PROX1: variants seen among roughly 807,000 people sequenced by gnomAD.
PROX1 encodes the protein prospero homeobox 1, also known as prospero homeobox protein 1.
Under a neutral mutation model 58.8 loss-of-function variants are expected in PROX1, and 7 were observed. The ratio of observed to expected loss-of-function variants is 0.12; its 90% confidence interval spans 0.07 to 0.22. The LOEUF is 0.22. PROX1 is among the 10% of genes least tolerant of loss of function. The pLI, the probability that PROX1 is intolerant of heterozygous loss-of-function variation, is 1.00. For missense variants in PROX1, 675 were observed against 927.8 expected (o/e 0.73, Z 3.54); for synonymous variants, 350 against 358.3 (o/e 0.98, Z 0.26).
intron 4 of PROX1, among the ~76,000 whole-genome samples, chr1:214,020,669 G>C (rs1445809647): frequency 2.0e-5 from 3 of 152,174 alleles, no homozygotes; most frequent in Admixed American, 2.0e-4. Flanking sequence ...TGAATTAATT[G>C]ATCTGTGTTA....
chr1:214,012,057 C>CT (rs1663928662), intron 4 of PROX1, among the ~76,000 whole-genome samples: 1 of 152,088 alleles, frequency 6.6e-6, no homozygotes, highest in South Asian at 2.1e-4. Context: ...TCCAATAGAC[C>CT]TTTTTCATAT....
chr1:213,994,040 AG>A (rs1182297474), intron 1 of PROX1, among the ~76,000 whole-genome samples: 1 of 152,170 alleles, frequency 6.6e-6, no homozygotes, highest in Non-Finnish European at 1.5e-5. Context: ...AGCATGGGGC[AG>A]GGATGCAGCT....
Position 213,997,345 on chromosome 1 carries a change from A to C in PROX1, c.810A>C (p.Glu270Asp), listed in dbSNP as rs1437145039. Residue 270 changes from glutamate (E) to aspartate (D), a missense_variant, in exon 2 of 5, where the codon GAA (glutamate) becomes GAC (aspartate). Physicochemically the swap from Glu to Asp is conservative, Grantham distance 45 (BLOSUM62 2). Transcript: ENST00000366958. This position sits in a 1 kb window ranked among gnomAD's most constrained non-coding sequence, Gnocchi z 7.1. ...IYDSTDSEND[E>D]DGNLSEDSMR... ...ACAGCACTGATTCGGAAAATGATGA[A>C]GATGGTAACCTGTCTGAAGACAGCA... 1 of 1,614,000 alleles carries C rather than the reference A, an allele frequency of 6.2e-7. No individual in the cohort carries two copies.
intron 1 of PROX1, among the ~76,000 whole-genome samples, chr1:213,992,825 C>A (rs1257064782): frequency 6.6e-6 from 1 of 152,166 alleles, no homozygotes; most frequent in African/African-American, 2.4e-5. Flanking sequence ...CCCGAAATAA[C>A]TTCTTTATTA....
intron 1 of PROX1, among the ~76,000 whole-genome samples, chr1:213,989,499 G>A (rs559948106): frequency 6.6e-6 from 1 of 152,046 alleles, no homozygotes; most frequent in Non-Finnish European, 1.5e-5. Context: ...GTCTCGTCTG[G>A]GTGGTACCTA....
Position 213,996,444 on chromosome 1 carries a change from T to C in PROX1, c.-67-25T>C. ...GGAGAAATTTAAAGAAAATGATTCA[T>C]CAGTCCTTTTGTTCTGTTGGCCAGG... On this transcript the variant is annotated intron_variant, in intron 1 of 4. Transcript: ENST00000366958. 1.4e-6 allele frequency: 2 copies of C among 1,415,738 alleles called. 1 individual carries two copies. Among genetic ancestry groups the C allele is most frequent in the Non-Finnish European group, 1.9e-6 (2 of 1,048,678 alleles). 87.7% of individuals were successfully genotyped at this position (1,415,738 alleles called of 1,614,324 possible).
chr1:214,012,917 C>T (rs1343228989), intron 4 of PROX1, among the ~76,000 whole-genome samples: 1 of 152,154 alleles, frequency 6.6e-6, no homozygotes, highest in Non-Finnish European at 1.5e-5. Context: ...AGTACTCTTC[C>T]TGCTTGCCCC....
chr1:214,039,699 A>G lies in PROX1; in HGVS notation c.*3865A>G, dbSNP rs1220878816. 6.6e-6 allele frequency: 1 copy of G among 152,186 alleles called. No individual in the cohort carries two copies. Among genetic ancestry groups the G allele is most frequent in the East Asian group, 1.9e-4 (1 of 5,194 alleles). The allele number at this position is 152,186 out of a possible 1,614,324, so 9.4% of individuals were successfully genotyped here. A position where few individuals can be genotyped will look rare whatever the true frequency, so the allele number is the denominator to read the frequency against. Reference sequence around the variant, plus strand: ...ATCTCTTTTATCAGATGTCAAGGGCAAGGGTAATGCAGTTTCTGTAAATTT... The same window carrying G: ...ATCTCTTTTATCAGATGTCAAGGGCGAGGGTAATGCAGTTTCTGTAAATTT... On this transcript the variant is annotated 3_prime_UTR_variant, in exon 5 of 5. Transcript: ENST00000366958.
At chr1:214,024,261 G>A (rs1203648036) in intron 4 of PROX1, among the ~76,000 whole-genome samples, 4 of 152,160 alleles carry the variant, frequency 2.6e-5, no homozygotes, top group Admixed American at 2.6e-4. Context: ...AGTAGCATTT[G>A]AAATACAGCC....
At chr1:213,983,399 TC>T (rs1472445539), upstream of PROX1, 2 of 152,524 alleles carry the variant, frequency 1.3e-5, no homozygotes, top group East Asian at 1.9e-4. Flanking sequence ...CGGCCACACA[TC>T]CGAAAGGGAC....
rs1664908682 is a variant in PROX1, at chr1:214,038,683, T to C, written c.*2849T>C. On this transcript the variant is annotated 3_prime_UTR_variant, in exon 5 of 5. Coordinates refer to ENST00000366958, the MANE Select transcript of PROX1 (RefSeq NM_001270616.2). ...AAAATCCTTCAAAATACCAGTTTTT[T>C]CCCAACAAGTACAATTGTTCTTGTG... The C allele has an allele frequency of 6.6e-6, 1 of 152,208 alleles. No individual in the cohort carries two copies. The highest frequency in any genetic ancestry group is 1.9e-4 in the East Asian group (1 of 5,200). 9.4% of individuals were successfully genotyped at this position (152,208 alleles called of 1,614,324 possible).
chr1:214,019,914 G>A (rs1279438764), intron 4 of PROX1, among the ~76,000 whole-genome samples: 4 of 151,908 alleles, frequency 2.6e-5, no homozygotes, highest in Admixed American at 6.6e-5. Flanking sequence ...CATTTTCCTC[G>A]ACTTCTGAAC....
rs1005876951 is a variant in PROX1 at position 214,041,179 on chromosome 1, C to T, written c.*5345C>T. 1.3e-5 allele frequency: 2 copies of T among 152,072 alleles called. No homozygotes were observed. Among genetic ancestry groups the T allele is most frequent in the Non-Finnish European group, 2.9e-5 (2 of 67,982 alleles). 9.4% of individuals were successfully genotyped at this position (152,072 alleles called of 1,614,324 possible). On this transcript the variant is annotated 3_prime_UTR_variant, in exon 5 of 5. Transcript: ENST00000366958. ...TAGTCCAATTGCCTTGTGTGCCTTC[C>T]ATCTCCTCTTAAACTGAATGTATGT... is the stretch of plus-strand genomic sequence containing the variant.
In PROX1 at chr1:213,997,018, C is replaced by T. The variant is rs368974011; in HGVS notation, c.483C>T (p.His161=). Residue 161 remains histidine (H), a synonymous_variant, in exon 2 of 5, where the codon CAC becomes CAT. Transcript: ENST00000366958. This position sits in a 1 kb window ranked among gnomAD's most constrained non-coding sequence, Gnocchi z 7.1. ...ATATGGATCGCTTATGTGATGAGCA[C>T]CTGAGAGCAAAGCGCGCCCGGGTTG... is the stretch of plus-strand genomic sequence containing the variant. ...QFDMDRLCDE[H]LRAKRARVEN... 1.2e-5 allele frequency: 19 copies of T among 1,613,986 alleles called. No individual in the cohort carries two copies. The Admixed American group carries it at 3.0e-4, about 25-fold the overall frequency.
intron 4 of PROX1, among the ~76,000 whole-genome samples, chr1:214,022,217 G>T (rs978065213): frequency 1.3e-5 from 2 of 152,206 alleles, no homozygotes; most frequent in African/African-American, 4.8e-5. Context: ...ACCCTGGCAA[G>T]TGTCTTACCC....
chr1:213,994,806 G>A (rs1424430602), intron 1 of PROX1, among the ~76,000 whole-genome samples: 1 of 95,832 alleles, frequency 1.0e-5, no homozygotes, highest in African/African-American at 3.8e-5. Context: ...TATATATAAA[G>A]AGGTATCATT....
upstream of PROX1, chr1:213,984,348 C>G (rs953683087): frequency 9.2e-5 from 14 of 152,210 alleles, no homozygotes; most frequent in African/African-American, 3.4e-4. Flanking sequence ...GGTTCTTTAT[C>G]ATTTTAAAAA....
In PROX1 at chr1:213,996,649, A is replaced by T; in HGVS notation, c.114A>T (p.Arg38Ser). The change falls in exon 2 of 5, where the codon AGA becomes AGT. Residue 38 changes from arginine to serine, a missense_variant. Coordinates refer to ENST00000366958, the MANE Select transcript of PROX1 (RefSeq NM_001270616.2). Reference sequence around the variant, plus strand: ...CATCTGCATTTTTTGCTAAGGCAAGAGCAACGTTTTTTAGTGCCATGAATC... The same window carrying T: ...CATCTGCATTTTTTGCTAAGGCAAGTGCAACGTTTTTTAGTGCCATGAATC... ...GTASAFFAKARATFFSAMNPQ... is the reference protein window; with the variant it reads ...GTASAFFAKASATFFSAMNPQ... The T allele has an allele frequency of 6.2e-7, 1 of 1,614,214 alleles. No individual in the cohort carries two copies. Among genetic ancestry groups the T allele is most frequent in the South Asian group, 1.1e-5 (1 of 91,080 alleles).
At chr1:214,024,599 A>C (rs553006377) in intron 4 of PROX1, among the ~76,000 whole-genome samples, 1 of 152,274 alleles carries the variant, frequency 6.6e-6, no homozygotes, top group East Asian at 1.9e-4. Flanking sequence ...CCCACTTCCT[A>C]ACAGCTTCTC....
Sources: allele counts gnomAD v4.1 joint callset (sites outside exome capture counted in the v4.1 genomes callset), GRCh38; gene constraint gnomAD v4.1.1; non-coding constraint Gnocchi (gnomAD v3.1); transcripts MANE v1.5; gene names NCBI Gene and HGNC (gene_info 2026-07-23, HGNC 2026-07-21).